Variants in TMOD4 observed in about 807,000 individuals in gnomAD.
The protein encoded by TMOD4 is tropomodulin 4.
TMOD4 carries 34 observed loss-of-function variants against 45.4 expected under a neutral mutation model. That is an observed-to-expected ratio of 0.75 (90% CI 0.57 to 1.00). The LOEUF is 1.00. TMOD4 is among the 50% of genes least tolerant of loss of function. The pLI is 0.00. For missense variants in TMOD4, 399 were observed against 437.5 expected, an observed-to-expected ratio of 0.91 and a Z score of 0.78; for synonymous variants, 131 against 153.9, an observed-to-expected ratio of 0.85 and a Z score of 1.10.
At position 151,171,535 on chromosome 1, in the gene TMOD4, GA is replaced by G; in HGVS notation, c.623del (p.Ile208ThrfsTer6). On this transcript the variant is annotated frameshift_variant, in exon 7 of 10. Transcript: ENST00000295314. LOFTEE classifies it high-confidence loss of function. ...ACAGCTCACTTAGCATGGGTATTGG[GA>G]TGTCCTATCGGAGGGGAATAGGAGA... ...EEVNLNNIQD[I>X]PIPMLSELCE... 6.2e-7 allele frequency: 1 copy of G among 1,614,140 alleles called. No homozygotes were observed. The highest frequency in any genetic ancestry group is 8.5e-7 in the Non-Finnish European group (1 of 1,180,004).
intron 4 of TMOD4, among the ~76,000 whole-genome samples, chr1:151,173,106 C>G (rs587597955): frequency 6.6e-6 from 1 of 152,138 alleles, no homozygotes; most frequent in South Asian, 2.1e-4. Context: ...CAGGTGTGAG[C>G]CACCGCACCC....
chr1:151,170,644 G>C lies in TMOD4; in HGVS notation c.890C>G (p.Ala297Gly). 1 of 1,614,124 alleles carries C rather than the reference G, an allele frequency of 6.2e-7. No individual in the cohort carries two copies. Among genetic ancestry groups the C allele is most frequent in the Non-Finnish European group, 8.5e-7 (1 of 1,180,036 alleles). The change falls in exon 9 of 10, where the codon GCA becomes GGA. Residue 297 changes from alanine (A) to glycine (G), a missense_variant. Ala to Gly is a moderately conservative substitution (Grantham distance 60). Coordinates refer to ENST00000295314, the MANE Select transcript of TMOD4 (RefSeq NM_013353.3). ...VDNQRQWPGD[A>G]VEMEMATVLE... ...CACGGTGGCCATCTCCATCTCCACT[G>C]CATCACCAGGCCACTGGCGCTGGGG... is the stretch of plus-strand genomic sequence containing the variant.
chr1:151,175,048 G>T, intron 1 of TMOD4, 131 bp from the exon 2 acceptor site: 1 of 689,306 alleles, frequency 1.5e-6, no homozygotes, highest in Non-Finnish European at 2.4e-6. Context: ...AGTTGAGGAT[G>T]GGAAGTGGGG....
chr1:151,171,410 C>A, intron 7 of TMOD4, 23 bp downstream of exon 7: 1 of 1,598,444 alleles, frequency 6.3e-7, no homozygotes, highest in Admixed American at 1.7e-5. Flanking sequence ...GGGGAGAGGG[C>A]TGGGGATGTC....
In TMOD4 at chr1:151,174,334, TGA is replaced by T. The variant is rs1031564618; in HGVS notation, c.280+55_280+56del. ...AGAGGGAAACTGGAGTGGGGACGAG[TGA>T]GAGACAGCACAGCCACTTGGGTTCT... is the stretch of plus-strand genomic sequence containing the variant. On this transcript the variant is annotated intron_variant, in intron 3 of 9. Coordinates refer to ENST00000295314, the MANE Select transcript of TMOD4 (RefSeq NM_013353.3). 3.8e-6 allele frequency: 6 copies of T among 1,579,854 alleles called. No individual in the cohort carries two copies. The African/African-American group carries it at 8.1e-5, about 21-fold the overall frequency.
intron 5 of TMOD4, 103 bp downstream of exon 5, chr1:151,172,165 T>C: frequency 1.0e-6 from 1 of 961,258 alleles, no homozygotes; most frequent in East Asian, 2.4e-5. Context: ...TCATGCAGCA[T>C]GTCCTCTCCC....
Position 151,170,985 on chromosome 1 carries a change from G to T in TMOD4, c.805C>A (p.Leu269Ile). The T allele has an allele frequency of 6.2e-7, 1 of 1,614,144 alleles. No homozygotes were observed. Among genetic ancestry groups the T allele is most frequent in the Non-Finnish European group, 8.5e-7 (1 of 1,179,980 alleles). The change falls in exon 8 of 10, where the codon CTC becomes ATC. Residue 269 changes from leucine (L) to isoleucine (I), a missense_variant. By Grantham distance (5) the Leu-to-Ile change is conservative. Coordinates refer to ENST00000295314, the MANE Select transcript of TMOD4 (RefSeq NM_013353.3). Reference protein sequence around the residue: ...IESNFISSTGLMAVLKAVREN... With the variant: ...IESNFISSTGIMAVLKAVREN... ...CGAACTGCCTTCAGCACAGCCATGAGTCCTGTGCTGCTAATGAAGTTGGAT... is the reference window on the plus strand; with the variant it reads ...CGAACTGCCTTCAGCACAGCCATGATTCCTGTGCTGCTAATGAAGTTGGAT...
Position 151,174,522 on chromosome 1 carries a change from C to G in TMOD4, c.149G>C (p.Arg50Thr). 1.2e-6 allele frequency: 2 copies of G among 1,614,120 alleles called. No individual in the cohort carries two copies. Among genetic ancestry groups the G allele is most frequent in the Non-Finnish European group, 1.7e-6 (2 of 1,180,050 alleles). The change falls in exon 3 of 10, where the codon AGA becomes ACA. Residue 50 changes from arginine (R) to threonine (T), a missense_variant. Arg to Thr is a moderately conservative substitution (Grantham distance 71). Transcript: ENST00000295314. ...PENMLLPAGLRQRDQTKKSPT... is the reference protein window; with the variant it reads ...PENMLLPAGLTQRDQTKKSPT... ...GCTCTTCTTTGTCTGGTCACGTTGTCTTAGTCCAGCTGGCAGGAGCATGTT... is the reference window on the plus strand; with the variant it reads ...GCTCTTCTTTGTCTGGTCACGTTGTGTTAGTCCAGCTGGCAGGAGCATGTT...
Position 151,174,930 on chromosome 1 carries a change from G to A in TMOD4, c.-42-13C>T. On this transcript the variant is annotated splice_polypyrimidine_tract_variant and intron_variant, in intron 1 of 9. Transcript: ENST00000295314. ...GTACTCACAGAGCCTGGGCAACATG[G>A]GACAAAAGGATGGACAATGGTAAGA... 6.2e-7 allele frequency: 1 copy of A among 1,610,146 alleles called. No homozygotes were observed. Among genetic ancestry groups the A allele is most frequent in the Admixed American group, 1.7e-5 (1 of 59,812 alleles).
chr1:151,170,786 G>A lies in TMOD4; in HGVS notation c.871-123C>T. On this transcript the variant is annotated intron_variant, in intron 8 of 9. Transcript: ENST00000295314. The stretch of plus-strand genomic sequence containing the variant: ...TCCACAGTGGGTGAAGAGAGATGCT[G>A]ACTTGGCTTCCCTCACAGAGACAAT... 21 of 1,513,554 alleles carry A rather than the reference G, an allele frequency of 1.4e-5. 1 individual carries two copies. The South Asian group carries it at 2.5e-4, about 18-fold the overall frequency. 93.8% of individuals were successfully genotyped at this position (1,513,554 alleles called of 1,614,324 possible).
Position 151,170,079 on chromosome 1 carries a change from T to C in TMOD4, c.*2A>G. On this transcript the variant is annotated 3_prime_UTR_variant, in exon 10 of 10. Transcript: ENST00000295314. ...CGCTAGTTGGTAAAGGGAAATGCAG[T>C]GTTATCTCTTCTTTTGCTGGCGACC... 2 of 1,614,162 alleles carry C rather than the reference T, an allele frequency of 1.2e-6. No individual in the cohort carries two copies. The highest frequency in any genetic ancestry group is 1.7e-6 in the Non-Finnish European group (2 of 1,180,004).
intron 7 of TMOD4, 133 bp downstream of exon 7, chr1:151,171,300 T>C: frequency 1.2e-6 from 1 of 866,438 alleles, no homozygotes; most frequent in Non-Finnish European, 1.9e-6. Context: ...GCACTGAAGG[T>C]AGGAGTCTCC....
At chr1:151,174,602 C>A (rs1487884982) in intron 2 of TMOD4, 55 bp from the exon 3 acceptor site, 2 of 1,602,810 alleles carry the variant, frequency 1.2e-6, no homozygotes, top group Non-Finnish European at 1.7e-6. Context: ...CTAGGTACTG[C>A]TAGGGCTCCC....
intron 1 of TMOD4, chr1:151,175,663 C>T (rs1037232358): frequency 6.6e-6 from 1 of 152,082 alleles, no homozygotes; most frequent in Non-Finnish European, 1.5e-5. Context: ...ATATTAAACT[C>T]GCACAATTTT....
In TMOD4 at chr1:151,173,618, G is replaced by A; in HGVS notation, c.281-3C>T. The stretch of plus-strand genomic sequence containing the variant: ...CTTGGGCTGAATATAGGGTTTCCCT[G>A]ATGGGGAGATGAAGGATGGCTCAGG... On this transcript the variant is annotated splice_polypyrimidine_tract_variant and splice_region_variant and intron_variant, in intron 3 of 9. Transcript: ENST00000295314. The A allele has an allele frequency of 1.2e-6, 2 of 1,609,720 alleles. No homozygotes were observed. The highest frequency in any genetic ancestry group is 1.7e-6 in the Non-Finnish European group (2 of 1,176,034).
At chr1:151,173,351 TAAAC>T (rs1684013314) in intron 4 of TMOD4, 144 bp downstream of exon 4, 2 of 658,356 alleles carry the variant, frequency 3.0e-6, no homozygotes, top group East Asian at 2.6e-5. Context: ...AATAAATATA[TAAAC>T]AAACAAGAAA....
chr1:151,174,920 G>T lies in TMOD4; in HGVS notation c.-42-3C>A, dbSNP rs1205605346. The T allele has an allele frequency of 6.2e-7, 1 of 1,612,660 alleles. No homozygotes were observed. Among genetic ancestry groups the T allele is most frequent in the Non-Finnish European group, 8.5e-7 (1 of 1,179,258 alleles). ...CCACTGTGTGGTACTCACAGAGCCT[G>T]GGCAACATGGGACAAAAGGATGGAC... On this transcript the variant is annotated splice_region_variant and splice_polypyrimidine_tract_variant and intron_variant, in intron 1 of 9. Coordinates refer to ENST00000295314, the MANE Select transcript of TMOD4 (RefSeq NM_013353.3).
In TMOD4 at chr1:151,170,978, GC is replaced by G; in HGVS notation, c.811del (p.Ala271LeufsTer3). 1 of 1,614,188 alleles carries G rather than the reference GC, an allele frequency of 6.2e-7. No homozygotes were observed. The highest frequency in any genetic ancestry group is 8.5e-7 in the Non-Finnish European group (1 of 1,180,028). On this transcript the variant is annotated frameshift_variant, in exon 8 of 10. Transcript: ENST00000295314. LOFTEE classifies it high-confidence loss of function. ...ATTTTCCCGAACTGCCTTCAGCACA[GC>G]CATGAGTCCTGTGCTGCTAATGAAG... Reference protein sequence around the residue: ...SNFISSTGLMAVLKAVRENAT... With the variant: ...SNFISSTGLMXVLKAVRENAT...
rs937193128 is a variant in TMOD4, at chr1:151,171,331, G to A, written c.726+102C>T. ...TCTCCATGAGGGCTGCCCTAAGAAG[G>A]CATGATGAGAATAGCACTCCCTAGC... On this transcript the variant is annotated intron_variant, in intron 7 of 9. Transcript: ENST00000295314. 4.5e-5 allele frequency: 50 copies of A among 1,107,600 alleles called. No homozygotes were observed. In the African/African-American group the frequency reaches 7.5e-4, roughly 17 times the overall value. 68.6% of individuals were successfully genotyped at this position (1,107,600 alleles called of 1,614,324 possible).
Sources: gnomAD v4.1 joint callset for allele counts (sites outside exome capture counted in the v4.1 genomes callset) on GRCh38, gnomAD v4.1.1 for gene constraint, MANE v1.5 for transcripts, NCBI Gene and HGNC (gene_info 2026-07-23, HGNC 2026-07-21) for gene names.